Variants in MNT observed in about 807,000 individuals in gnomAD.
The protein encoded by MNT is MAX network transcriptional repressor.
In MNT, 13 loss-of-function variants were observed where a neutral mutation model predicts 40.7. That is an observed-to-expected ratio of 0.32 (90% CI 0.21 to 0.51). The LOEUF is 0.51. Among genes scored for constraint, MNT ranks in the 20% least tolerant of loss-of-function variants. MNT has a pLI of 0.98. For synonymous variants in MNT, 426 were observed against 354.8 expected, an observed-to-expected ratio of 1.20 and a Z score of -2.26; for missense variants, 757 against 792.0, an observed-to-expected ratio of 0.96 and a Z score of 0.53.
chr17:2,400,629 C>T lies in MNT; in HGVS notation c.73+11G>A. ...TCCCCAGTGCCCCAGGGGCCCAGCC[C>T]GGCCGCTCACCACGTGCTCTCTGTT... is the stretch of plus-strand genomic sequence containing the variant. On this transcript the variant is annotated intron_variant, in intron 1 of 5. Transcript: ENST00000174618. 3 of 1,575,360 alleles carry T rather than the reference C, an allele frequency of 1.9e-6. No homozygotes were observed. The highest frequency in any genetic ancestry group is 2.6e-6 in the Non-Finnish European group (3 of 1,164,860).
rs2066463272 is a variant in MNT, at chr17:2,386,518, A to C, written c.*383T>G. On this transcript the variant is annotated 3_prime_UTR_variant, in exon 6 of 6. Transcript: ENST00000174618. ...GAAAGCCGGGGGCCTGGGCCACCTC[A>C]CCAGACAGCAATAGCAGCAGCAGCA... The C allele has an allele frequency of 5.1e-6, 1 of 197,304 alleles. No individual in the cohort carries two copies. Among genetic ancestry groups the C allele is most frequent in the South Asian group, 1.6e-4 (1 of 6,184 alleles). 12.2% of individuals were successfully genotyped at this position (197,304 alleles called of 1,614,324 possible).
chr17:2,394,785 G>T, intron 2 of MNT, 90 bp downstream of exon 2: 1 of 912,344 alleles, frequency 1.1e-6, no homozygotes, highest in Non-Finnish European at 1.7e-6. Flanking sequence ...GCACTTCTAA[G>T]CTGGGGAGGG....
At chr17:2,393,803 GC>G in intron 4 of MNT, 1 of 212,050 alleles carries the variant, frequency 4.7e-6, no homozygotes, top group Non-Finnish European at 9.2e-6. Context: ...GGACGCCGAG[GC>G]TGCAGGGGCT....
rs2066440914 is a variant in MNT, at chr17:2,384,605, T to TGTGTGC, written c.*2295_*2296insGCACAC. On this transcript the variant is annotated 3_prime_UTR_variant, in exon 6 of 6. Transcript: ENST00000174618. ...ATGTGTGCGTGTGCGTGCGTGTGTGTGTGTGTGTGTGTGTGTGTGTGTCCC... is the reference window on the plus strand; with the variant it reads ...ATGTGTGCGTGTGCGTGCGTGTGTGTGTGTGCGTGTGTGTGTGTGTGTGTGTGTCCC... 1 of 152,354 alleles carries TGTGTGC rather than the reference T, an allele frequency of 6.6e-6. No individual in the cohort carries two copies. 9.4% of individuals were successfully genotyped at this position (152,354 alleles called of 1,614,324 possible).
intron 2 of MNT, 29 bp from the exon 3 acceptor site, chr17:2,394,375 GGA>G (rs758412807): frequency 1.1e-5 from 17 of 1,613,158 alleles, no homozygotes; most frequent in Middle Eastern, 1.7e-4. Flanking sequence ...GGAGGCTCAG[GGA>G]GGAGGACTCG....
At chr17:2,392,966 C>G (rs990554408) in intron 4 of MNT, among the ~76,000 whole-genome samples, 2 of 152,160 alleles carry the variant, frequency 1.3e-5, no homozygotes, top group Non-Finnish European at 2.9e-5. Flanking sequence ...AGTCAGGCTC[C>G]GGTTACCTCA....
intron 4 of MNT, chr17:2,389,752 C>T (rs1363905864): frequency 1.3e-5 from 2 of 152,372 alleles, no homozygotes; most frequent in African/African-American, 2.4e-5. Flanking sequence ...TGCACTCCTT[C>T]CTGGAGCCCA....
intron 4 of MNT, chr17:2,390,434 G>C (rs756251835): frequency 6.6e-6 from 1 of 152,324 alleles, no homozygotes; most frequent in South Asian, 2.1e-4. Flanking sequence ...CTCTGATCCT[G>C]TCACATCAGT....
chr17:2,400,799 G>A lies in MNT; in HGVS notation c.-87C>T, dbSNP rs1394233387. The A allele has an allele frequency of 6.7e-6, 8 of 1,185,192 alleles. No individual in the cohort carries two copies. Among genetic ancestry groups the A allele is most frequent in the South Asian group, 1.6e-5 (1 of 61,394 alleles). The allele number at this position is 1,185,192 out of a possible 1,614,324, so 73.4% of individuals were successfully genotyped here. A position where few individuals can be genotyped will look rare whatever the true frequency, so the allele number is the denominator to read the frequency against. ...GTCAGGCTGGCGGGCAGGCAGGAGGGAGGGATCACCTCCGGGGGGCGACAG... is the reference window on the plus strand; with the variant it reads ...GTCAGGCTGGCGGGCAGGCAGGAGGAAGGGATCACCTCCGGGGGGCGACAG... On this transcript the variant is annotated 5_prime_UTR_variant, in exon 1 of 6. Coordinates refer to ENST00000174618, the MANE Select transcript of MNT (RefSeq NM_020310.3).
rs1401367217 is a variant in MNT at position 2,400,813 on chromosome 17, G to A, written c.-101C>T. The A allele has an allele frequency of 1.0e-5, 10 of 953,192 alleles. No homozygotes were observed. The highest frequency in any genetic ancestry group is 1.5e-5 in the Non-Finnish European group (10 of 682,608). 59.0% of individuals were successfully genotyped at this position (953,192 alleles called of 1,614,324 possible). On this transcript the variant is annotated 5_prime_UTR_variant, in exon 1 of 6. Transcript: ENST00000174618. ...CAGGCAGGAGGGAGGGATCACCTCC[G>A]GGGGGCGACAGGGCTGGGCGGCGCA...
At position 2,395,138 on chromosome 17, in the gene MNT, G is replaced by A. The variant is rs1275845249; in HGVS notation, c.390C>T (p.Ser130=). 2.0e-6 allele frequency: 3 copies of A among 1,470,090 alleles called. No homozygotes were observed. The South Asian group carries it at 4.2e-5, about 21-fold the overall frequency. The allele number at this position is 1,470,090 out of a possible 1,614,324, so 91.1% of individuals were successfully genotyped here. The change falls in exon 2 of 6, where the codon AGC becomes AGT. Residue 130 remains serine, a synonymous_variant. Coordinates refer to ENST00000174618, the MANE Select transcript of MNT (RefSeq NM_020310.3). ...QPALVGAPGL[S]IKEPAPLPSR... ...TGGGCAGGGGGGCAGGCTCCTTAATGCTGAGTCCGGGGGCGCCAACCAGGG... is the reference window on the plus strand; with the variant it reads ...TGGGCAGGGGGGCAGGCTCCTTAATACTGAGTCCGGGGGCGCCAACCAGGG...
chr17:2,393,887 A>G, intron 4 of MNT, 156 bp downstream of exon 4: 1 of 383,114 alleles, frequency 2.6e-6, no homozygotes, highest in East Asian at 4.6e-5. Context: ...AGCCCCGCTG[A>G]CGTCAGCCGG....
Position 2,384,564 on chromosome 17 carries a change from A to T in MNT, c.*2337T>A, listed in dbSNP as rs562366932. ...CACTCTGAACATCAAAAGGTAAAACACGCATGAGAGGTAAGATGTGTGCGT... is the reference window on the plus strand; with the variant it reads ...CACTCTGAACATCAAAAGGTAAAACTCGCATGAGAGGTAAGATGTGTGCGT... On this transcript the variant is annotated 3_prime_UTR_variant, in exon 6 of 6. Transcript: ENST00000174618. The T allele has an allele frequency of 1.3e-5, 2 of 152,146 alleles. No homozygotes were observed. Among genetic ancestry groups the T allele is most frequent in the African/African-American group, 2.4e-5 (1 of 41,266 alleles). 9.4% of individuals were successfully genotyped at this position (152,146 alleles called of 1,614,324 possible). A position where few individuals can be genotyped will look rare whatever the true frequency, so the allele number is the denominator to read the frequency against.
At chr17:2,389,072 C>G (rs2066491938) in intron 4 of MNT, among the ~76,000 whole-genome samples, 1 of 151,660 alleles carries the variant, frequency 6.6e-6, no homozygotes, top group African/African-American at 2.4e-5. Flanking sequence ...CACACAGATC[C>G]TCCTCCCTTT....
Position 2,386,263 on chromosome 17 carries a change from G to GT in MNT, c.*637dup, listed in dbSNP as rs1216645172. 2.0e-5 allele frequency: 3 copies of GT among 152,358 alleles called. No homozygotes were observed. Among genetic ancestry groups the GT allele is most frequent in the Non-Finnish European group, 4.4e-5 (3 of 68,080 alleles). 9.4% of individuals were successfully genotyped at this position (152,358 alleles called of 1,614,324 possible). A position where few individuals can be genotyped will look rare whatever the true frequency, so the allele number is the denominator to read the frequency against. On this transcript the variant is annotated 3_prime_UTR_variant, in exon 6 of 6. Transcript: ENST00000174618. The stretch of plus-strand genomic sequence containing the variant: ...TGTTGGTAGAGAATCATTTTAAGTA[G>GT]TATCTACGGTAACGAATCACAGTGA...
intron 4 of MNT, among the ~76,000 whole-genome samples, chr17:2,393,135 G>GCC (rs1405302977): frequency 2.6e-4 from 21 of 80,924 alleles, no homozygotes; most frequent in South Asian, 7.8e-4. Context: ...CCGGCTCGCC[G>GCC]CCCACCCCCC....
chr17:2,394,834 T>C (rs1450030253), intron 2 of MNT, 41 bp downstream of exon 2: 2 of 1,460,006 alleles, frequency 1.4e-6, no homozygotes, highest in African/African-American at 1.4e-5. Context: ...TGGGCACCTC[T>C]CCTATCCCCC....
In MNT at chr17:2,393,875, G is replaced by T. The variant is rs1258726027; in HGVS notation, c.807+168C>A. On this transcript the variant is annotated intron_variant, in intron 4 of 5. Transcript: ENST00000174618. ...TGCGCACGCGCGCCCTCCCGGGCAG[G>T]GAGCCCCGCTGACGTCAGCCGGGCC... 5 of 352,276 alleles carry T rather than the reference G, an allele frequency of 1.4e-5. No homozygotes were observed. The East Asian group carries it at 2.4e-4, about 17-fold the overall frequency. The allele number at this position is 352,276 out of a possible 1,614,324, so 21.8% of individuals were successfully genotyped here.
In MNT at chr17:2,390,525, G is replaced by T. The variant is rs1452351258; in HGVS notation, c.808-2476C>A. 2.0e-5 allele frequency: 3 copies of T among 152,310 alleles called. No individual in the cohort carries two copies. In the East Asian group the frequency reaches 5.8e-4, roughly 29 times the overall value. 9.4% of individuals were successfully genotyped at this position (152,310 alleles called of 1,614,324 possible). A position where few individuals can be genotyped will look rare whatever the true frequency, so the allele number is the denominator to read the frequency against. On this transcript the variant is annotated intron_variant, in intron 4 of 5. Transcript: ENST00000174618. ...AGTGTAGGTTTTGTGTGCTCCTTAG[G>T]AGAGTTTGACTAATGCCTGATGATG...
Sources: allele counts gnomAD v4.1 joint callset (sites outside exome capture counted in the v4.1 genomes callset), GRCh38; gene constraint gnomAD v4.1.1; transcripts MANE v1.5; gene names NCBI Gene and HGNC (gene_info 2026-07-23, HGNC 2026-07-21).